Variants in IARS1 observed in about 807,000 individuals in gnomAD.
The protein encoded by IARS1 is isoleucyl-tRNA synthetase 1.
IARS1 carries 124 observed loss-of-function variants against 168.2 expected under a neutral mutation model. The observed-to-expected ratio is 0.74, with a 90% CI of 0.64 to 0.86. The LOEUF (loss-of-function observed/expected upper bound fraction) is 0.86. Ranked by LOEUF, IARS1 falls within the 40% of genes least tolerant of loss-of-function variation. The pLI, the probability that IARS1 is intolerant of heterozygous loss-of-function variation, is 0.00. For missense variants in IARS1, 1,452 were observed against 1,515.8 expected, an observed-to-expected ratio of 0.96 and a Z score of 0.70; for synonymous variants, 532 against 529.4, an observed-to-expected ratio of 1.00 and a Z score of -0.07.
At chr9:92,232,528 C>G (rs1382151350) in intron 30 of IARS1, among the ~76,000 whole-genome samples, 1 of 152,160 alleles carries the variant, frequency 6.6e-6, no homozygotes, top group East Asian at 1.9e-4. Context: ...AGTAGAATGA[C>G]TTGTTTCACA....
intron 19 of IARS1, among the ~76,000 whole-genome samples, chr9:92,257,830 A>C (rs908890277): frequency 1.3e-5 from 2 of 152,210 alleles, no homozygotes; most frequent in African/African-American, 4.8e-5. Context: ...AAGGTGCTGG[A>C]GATCAGATGT....
At chr9:92,213,898 G>A (rs1348718416) in intron 33 of IARS1, among the ~76,000 whole-genome samples, 1 of 151,948 alleles carries the variant, frequency 6.6e-6, no homozygotes. Flanking sequence ...TGCAACCTCT[G>A]CCTCCCAGGT....
At chr9:92,247,624 A>C (rs936838020) in intron 25 of IARS1, 73 bp from the exon 26 acceptor site, 1 of 1,350,376 alleles carries the variant, frequency 7.4e-7, no homozygotes. Flanking sequence ...GTAGGTCCAC[A>C]GCAGCATTAT....
intron 1 of IARS1, among the ~76,000 whole-genome samples, chr9:92,291,376 G>A (rs1340805436): frequency 1.3e-5 from 2 of 152,070 alleles, no homozygotes; most frequent in East Asian, 3.9e-4. Context: ...AAGCATCATA[G>A]TCTAATCAAG....
chr9:92,292,614 T>C (rs1836548111), intron 1 of IARS1: 1 of 155,238 alleles, frequency 6.4e-6, no homozygotes, highest in Non-Finnish European at 1.5e-5. Flanking sequence ...CAGGTTAACC[T>C]TGCACAACAA....
chr9:92,236,090 C>T (rs1000372942), intron 30 of IARS1, among the ~76,000 whole-genome samples: 28 of 152,200 alleles, frequency 1.8e-4, no homozygotes, highest in African/African-American at 6.3e-4. Flanking sequence ...TACAGCAATT[C>T]TCCTGCCTCA....
At chr9:92,289,075 C>T (rs1320522066) in intron 2 of IARS1, among the ~76,000 whole-genome samples, 2 of 151,686 alleles carry the variant, frequency 1.3e-5, no homozygotes, top group Non-Finnish European at 2.9e-5. Flanking sequence ...GGTGTGATGG[C>T]GGGCACCTGT....
At chr9:92,238,667 ATATTT>A (rs1235471282) in intron 30 of IARS1, among the ~76,000 whole-genome samples, 1 of 152,154 alleles carries the variant, frequency 6.6e-6, no homozygotes, top group African/African-American at 2.4e-5. Flanking sequence ...TACTTAAAAC[ATATTT>A]TAGAGTTCCA....
chr9:92,291,287 C>A (rs1170395053), intron 1 of IARS1, among the ~76,000 whole-genome samples: 1 of 152,226 alleles, frequency 6.6e-6, no homozygotes, highest in Non-Finnish European at 1.5e-5. Context: ...CTTAAGTACT[C>A]AAGAACCACA....
intron 33 of IARS1, among the ~76,000 whole-genome samples, chr9:92,215,860 C>G (rs1449362423): frequency 1.3e-5 from 2 of 152,054 alleles, no homozygotes; most frequent in African/African-American, 4.8e-5. Flanking sequence ...AGGATATTAT[C>G]CAGGAGAACT....
intron 29 of IARS1, among the ~76,000 whole-genome samples, chr9:92,241,671 A>G (rs563556608): frequency 6.6e-5 from 10 of 152,278 alleles, no homozygotes; most frequent in Admixed American, 5.2e-4. Context: ...TTATAAGCCA[A>G]TATCTTCCCT....
Position 92,293,626 on chromosome 9 carries a change from T to TGCCTGGACAGCCCCGCGG in IARS1, c.-41_-24dup, listed in dbSNP as rs1836766361. 1 of 329,438 alleles carries TGCCTGGACAGCCCCGCGG rather than the reference T, an allele frequency of 3.0e-6. No homozygotes were observed. Among genetic ancestry groups the TGCCTGGACAGCCCCGCGG allele is most frequent in the Non-Finnish European group, 6.4e-6 (1 of 155,734 alleles). 20.4% of individuals were successfully genotyped at this position (329,438 alleles called of 1,614,324 possible). A position where few individuals can be genotyped will look rare whatever the true frequency, so the allele number is the denominator to read the frequency against. ...GAGGGCGTACCTGAGGGGCCTCGCG[T>TGCCTGGACAGCCCCGCGG]GCCTGGACAGCCCCGCGGGCCAGCA... On this transcript the variant is annotated 5_prime_UTR_variant, in exon 1 of 34. Transcript: ENST00000443024.
At chr9:92,234,508 T>G (rs1371517400) in intron 30 of IARS1, among the ~76,000 whole-genome samples, 1 of 152,206 alleles carries the variant, frequency 6.6e-6, no homozygotes, top group African/African-American at 2.4e-5. Context: ...TGGCCAGTCC[T>G]GGAGTTGGTA....
chr9:92,281,715 T>C (rs1304869250), intron 6 of IARS1, among the ~76,000 whole-genome samples: 1 of 150,940 alleles, frequency 6.6e-6, no homozygotes, highest in Non-Finnish European at 1.5e-5. Context: ...TAAAAATAAA[T>C]AGCTCTAAGG....
chr9:92,271,398 C>G, intron 11 of IARS1, 135 bp downstream of exon 11: 1 of 1,098,650 alleles, frequency 9.1e-7, no homozygotes, highest in East Asian at 2.4e-5. Context: ...CTGATAACAT[C>G]TGTCTTTACG....
intron 30 of IARS1, among the ~76,000 whole-genome samples, chr9:92,235,155 T>C (rs1336160329): frequency 6.6e-6 from 1 of 152,182 alleles, no homozygotes; most frequent in Admixed American, 6.5e-5. Flanking sequence ...TGTTTGTATG[T>C]ATGTTCCTTA....
chr9:92,239,095 G>T (rs1437291780), intron 30 of IARS1, among the ~76,000 whole-genome samples: 1 of 152,106 alleles, frequency 6.6e-6, no homozygotes, highest in Non-Finnish European at 1.5e-5. Context: ...ACCCATGAGA[G>T]TAATGAAAGT....
At chr9:92,272,657 C>G (rs1378285347) in intron 10 of IARS1, among the ~76,000 whole-genome samples, 1 of 152,144 alleles carries the variant, frequency 6.6e-6, no homozygotes, top group Non-Finnish European at 1.5e-5. Flanking sequence ...TGAGACCAGC[C>G]TGGCCAACAT....
intron 20 of IARS1, among the ~76,000 whole-genome samples, chr9:92,254,126 T>G (rs185546716): frequency 3.9e-5 from 6 of 152,288 alleles, no homozygotes; most frequent in Middle Eastern, 3.4e-3. Context: ...TGGCACAGGC[T>G]ATGAATAAAA....
Sources: gnomAD v4.1 joint callset for allele counts (sites outside exome capture counted in the v4.1 genomes callset) on GRCh38, gnomAD v4.1.1 for gene constraint, MANE v1.5 for transcripts, NCBI Gene and HGNC (gene_info 2026-07-23, HGNC 2026-07-21) for gene names.